STAM2: variants seen among roughly 807,000 people sequenced by gnomAD.
STAM2 encodes signal transducing adaptor molecule 2.
In STAM2, 51 loss-of-function variants were observed where a neutral mutation model predicts 65.6. The ratio of observed to expected loss-of-function variants is 0.78; its 90% CI spans 0.62 to 0.98. The LOEUF (loss-of-function observed/expected upper bound fraction) is 0.98. Ranked by LOEUF, STAM2 falls within the 50% of genes least tolerant of loss-of-function variation. The pLI is 0.00. For synonymous variants in STAM2, 198 were observed against 208.4 expected, an observed-to-expected ratio of 0.95 and a Z score of 0.43; for missense variants, 584 against 617.8, an observed-to-expected ratio of 0.95 and a Z score of 0.58.
At chr2:152,152,616 T>C (rs1425908420) in intron 1 of STAM2, among the ~76,000 whole-genome samples, 3 of 152,148 alleles carry the variant, frequency 2.0e-5, no homozygotes, top group Admixed American at 1.3e-4. Flanking sequence ...TGAACATTCA[T>C]ATACAAGTCT....
chr2:152,145,748 G>C lies in STAM2; in HGVS notation c.448-791C>G, dbSNP rs559220730. ...TCCTTTTACTAGTTATTGTGGCTGG[G>C]TGGCAGTGGTCTGCCAGACATAGCA... On this transcript the variant is annotated intron_variant, in intron 5 of 13. Coordinates refer to ENST00000263904, the MANE Select transcript of STAM2 (RefSeq NM_005843.6). Among the ~76,000 whole-genome samples the C allele has an allele frequency of 3.6e-3, 551 of 152,312 alleles. 4 individuals carry two copies. Among genetic ancestry groups the C allele is most frequent in the Middle Eastern group, 6.8e-3 (2 of 294 alleles).
At chr2:152,133,286 A>G (rs765580972) in intron 9 of STAM2, 26 bp from the exon 10 acceptor site, 1 of 1,578,640 alleles carries the variant, frequency 6.3e-7, no homozygotes, top group Non-Finnish European at 8.7e-7. Context: ...GACACTTTTC[A>G]AAAACTCAAG....
At chr2:152,139,816 A>G (rs1689213410) in intron 7 of STAM2, among the ~76,000 whole-genome samples, 1 of 152,194 alleles carries the variant, frequency 6.6e-6, no homozygotes, top group African/African-American at 2.4e-5. Context: ...AGTATTCATG[A>G]AAGATAAACA....
At chr2:152,153,419 A>T (rs979900726) in intron 1 of STAM2, among the ~76,000 whole-genome samples, 2 of 152,162 alleles carry the variant, frequency 1.3e-5, no homozygotes, top group Non-Finnish European at 2.9e-5. Flanking sequence ...CCAAAAAATG[A>T]ACAGGCTTAG....
chr2:152,133,852 T>A (rs888626497), intron 8 of STAM2, among the ~76,000 whole-genome samples: 120 of 152,310 alleles, frequency 7.9e-4, no homozygotes, highest in African/African-American at 2.8e-3. Context: ...CTGGGGTGAA[T>A]AAATATATGA....
chr2:152,130,995 C>CAAAAAAA (rs11300791), intron 11 of STAM2, among the ~76,000 whole-genome samples: 2 of 93,850 alleles, frequency 2.1e-5, no homozygotes, highest in Non-Finnish European at 4.5e-5. Flanking sequence ...GACTCCATCT[C>CAAAAAAA]AAAAAAAAAA....
At chr2:152,137,183 C>T (rs921345616) in intron 7 of STAM2, among the ~76,000 whole-genome samples, 4 of 152,010 alleles carry the variant, frequency 2.6e-5, no homozygotes, top group Non-Finnish European at 2.9e-5. Context: ...CCACCGCACC[C>T]GGCCATAAGC....
intron 1 of STAM2, among the ~76,000 whole-genome samples, chr2:152,167,735 A>T (rs1206044269): frequency 8.6e-5 from 13 of 151,044 alleles, no homozygotes; most frequent in South Asian, 2.1e-4. Context: ...TTTCTAGAAA[A>T]AAATAAATAA....
chr2:152,148,427 C>G (rs1198582534), intron 2 of STAM2, 127 bp from the exon 3 acceptor site: 11 of 745,168 alleles, frequency 1.5e-5, no homozygotes, highest in Non-Finnish European at 2.3e-5. Context: ...TCCAACACTT[C>G]GGGAAGCCAA....
rs1222052217 is a variant in STAM2, at chr2:152,118,217, A to T, written c.*2357T>A. 1 of 152,048 alleles carries T rather than the reference A, an allele frequency of 6.6e-6. No homozygotes were observed. Among genetic ancestry groups the T allele is most frequent in the Non-Finnish European group, 1.5e-5 (1 of 67,942 alleles). 9.4% of individuals were successfully genotyped at this position (152,048 alleles called of 1,614,324 possible). A position where few individuals can be genotyped will look rare whatever the true frequency, so the allele number is the denominator to read the frequency against. Reference sequence around the variant, plus strand: ...ATTCCCTTTGGCAGAAAACAATTATAAACAGGTCTTAATATAAATAGAATC... The same window carrying T: ...ATTCCCTTTGGCAGAAAACAATTATTAACAGGTCTTAATATAAATAGAATC... On this transcript the variant is annotated 3_prime_UTR_variant, in exon 14 of 14. Coordinates refer to ENST00000263904, the MANE Select transcript of STAM2 (RefSeq NM_005843.6).
chr2:152,145,405 G>C (rs1689319840), intron 5 of STAM2, among the ~76,000 whole-genome samples: 1 of 152,076 alleles, frequency 6.6e-6, no homozygotes, highest in East Asian at 1.9e-4. Flanking sequence ...TTAAATAATT[G>C]TTTTCAAATA....
At chr2:152,173,210 C>CAAA (rs200244856) in intron 1 of STAM2, among the ~76,000 whole-genome samples, 1 of 117,504 alleles carries the variant, frequency 8.5e-6, no homozygotes, top group African/African-American at 3.2e-5. Context: ...AAGGAATGAC[C>CAAA]AAAAAAAAAA....
In STAM2 at chr2:152,175,746, G is replaced by T. The variant is rs1367103254; in HGVS notation, c.-104C>A. The T allele has an allele frequency of 1.5e-6, 2 of 1,293,624 alleles. No individual in the cohort carries two copies. Among genetic ancestry groups the T allele is most frequent in the African/African-American group, 1.5e-5 (1 of 68,166 alleles). The allele number at this position is 1,293,624 out of a possible 1,614,324, so 80.1% of individuals were successfully genotyped here. On this transcript the variant is annotated 5_prime_UTR_variant, in exon 1 of 14. Transcript: ENST00000263904. ...CGGCTCCCTAGACCGCTCCGCTTCGGCCTCCGTCCCTGCACTTCCGCCACC... is the reference window on the plus strand; with the variant it reads ...CGGCTCCCTAGACCGCTCCGCTTCGTCCTCCGTCCCTGCACTTCCGCCACC...
At chr2:152,158,697 A>T (rs1689599042) in intron 1 of STAM2, among the ~76,000 whole-genome samples, 1 of 152,142 alleles carries the variant, frequency 6.6e-6, no homozygotes, top group Non-Finnish European at 1.5e-5. Flanking sequence ...GTTCGTAAAG[A>T]ACAGAAATTT....
At chr2:152,174,541 A>T (rs1689973671) in intron 1 of STAM2, among the ~76,000 whole-genome samples, 1 of 152,204 alleles carries the variant, frequency 6.6e-6, no homozygotes, top group South Asian at 2.1e-4. Flanking sequence ...AACGTATCAG[A>T]ATAGGGCACT....
chr2:152,163,487 T>TAAG (rs56085954), intron 1 of STAM2, among the ~76,000 whole-genome samples: 151,189 of 152,306 alleles, frequency 0.99, 75,060 homozygotes, highest in Middle Eastern at 1. Flanking sequence ...GTTTGAATAA[T>TAAG]AAATCTGATT....
At chr2:152,123,672 C>A in intron 13 of STAM2, 94 bp downstream of exon 13, 2 of 1,226,212 alleles carry the variant, frequency 1.6e-6, no homozygotes, top group South Asian at 2.9e-5. Flanking sequence ...ATAAACAGTT[C>A]TGTAACTTCA....
rs191378927 is a variant in STAM2 at position 152,121,238 on chromosome 2, C to T, written c.1350-436G>A. Among the ~76,000 whole-genome samples, 355 of 152,258 alleles carry T rather than the reference C, an allele frequency of 2.3e-3. 2 individuals carry two copies. The highest frequency in any genetic ancestry group is 8.2e-3 in the African/African-American group (342 of 41,558). On this transcript the variant is annotated intron_variant, in intron 13 of 13. Transcript: ENST00000263904. The stretch of plus-strand genomic sequence containing the variant: ...ATCCTCTGGCCTTGGCCTCTCAAAG[C>T]GTTGGGATTACAGGCATGAGCCACC...
At chr2:152,147,060 G>C in intron 5 of STAM2, 102 bp downstream of exon 5, 3 of 1,107,894 alleles carry the variant, frequency 2.7e-6, no homozygotes. Context: ...GGGAAGTAAA[G>C]GTGGAAAATG....
Sources: allele counts gnomAD v4.1 joint callset (sites outside exome capture counted in the v4.1 genomes callset), GRCh38; gene constraint gnomAD v4.1.1; transcripts MANE v1.5; gene names NCBI Gene and HGNC (gene_info 2026-07-23, HGNC 2026-07-21).